CCSER1: variants seen among roughly 807,000 people sequenced by gnomAD.
CCSER1 encodes serine-rich coiled-coil domain-containing protein 1.
A neutral mutation model predicts 82.0 loss-of-function variants in CCSER1; 41 were observed. The ratio of observed to expected loss-of-function variants is 0.50; its 90% CI spans 0.39 to 0.65. The LOEUF is 0.65. Among genes scored for constraint, CCSER1 ranks in the 30% least tolerant of loss-of-function variants. The probability of loss-of-function intolerance (pLI) is 0.00; values close to 1 mark genes in which losing one functional copy is unlikely to be tolerated. For missense variants in CCSER1, 1,119 were observed against 1,064.2 expected (o/e 1.05, Z -0.72); for synonymous variants, 414 against 383.9 (o/e 1.08, Z -0.92).
At chr4:90,634,967 AC>A in intron 6 of CCSER1, among the ~76,000 whole-genome samples, 1 of 151,928 alleles carries the variant, frequency 6.6e-6, no homozygotes, top group African/African-American at 2.4e-5. Flanking sequence ...ATGACATTTC[AC>A]CACAGTCAGA....
intron 10 of CCSER1, among the ~76,000 whole-genome samples, chr4:91,201,877 AAGG>A (rs1374022746): frequency 1.3e-5 from 2 of 152,044 alleles, no homozygotes; most frequent in Admixed American, 6.6e-5. Context: ...TAAAAACAAT[AAGG>A]AGCCAAATAT....
At chr4:91,331,224 AT>A (rs1289861085) in intron 10 of CCSER1, among the ~76,000 whole-genome samples, 2 of 152,122 alleles carry the variant, frequency 1.3e-5, no homozygotes, top group Non-Finnish European at 1.5e-5. Context: ...GAATAACTCA[AT>A]TTTTTATTGC....
In CCSER1 at chr4:90,516,118, G is replaced by A. The variant is rs1772233808; in HGVS notation, c.1724+47764G>A. On this transcript the variant is annotated intron_variant, in intron 5 of 10. Transcript: ENST00000509176. The stretch of plus-strand genomic sequence containing the variant: ...ATTATAACACGCCCTTCTTTGGACT[G>A]TGTGGGTAGGCCCTTTTTGAGGAAT... 2.0e-5 allele frequency among the ~76,000 whole-genome samples: 3 copies of A among 152,188 alleles called. No homozygotes were observed. In the South Asian group the frequency reaches 6.2e-4, roughly 32 times the overall value.
chr4:90,917,416 A>G (rs1212161352), intron 8 of CCSER1, among the ~76,000 whole-genome samples: 2 of 152,138 alleles, frequency 1.3e-5, no homozygotes, highest in African/African-American at 2.4e-5. Context: ...TTGCAAGGAC[A>G]AAAAAACAAA....
intron 10 of CCSER1, among the ~76,000 whole-genome samples, chr4:91,449,292 A>G (rs1230156525): frequency 2.6e-5 from 4 of 152,020 alleles, no homozygotes; most frequent in African/African-American, 9.7e-5. Flanking sequence ...TTGGTCTATG[A>G]TAAAGATTTC....
intron 10 of CCSER1, among the ~76,000 whole-genome samples, chr4:91,260,987 T>C (rs1194892215): frequency 1.3e-5 from 2 of 152,080 alleles, no homozygotes; most frequent in African/African-American, 4.8e-5. Context: ...ATGGTCTCGA[T>C]CTCCTGACCT....
At chr4:91,467,819 T>C (rs1279535870) in intron 10 of CCSER1, among the ~76,000 whole-genome samples, 2 of 152,152 alleles carry the variant, frequency 1.3e-5, no homozygotes, top group African/African-American at 4.8e-5. Flanking sequence ...CTCACACCAG[T>C]TAGAATGGTG....
At chr4:90,317,895 G>A (rs1736459029) in intron 3 of CCSER1, among the ~76,000 whole-genome samples, 1 of 152,138 alleles carries the variant, frequency 6.6e-6, no homozygotes, top group Non-Finnish European at 1.5e-5. Flanking sequence ...CAACTCATTG[G>A]TCAGATCTAA....
At chr4:91,455,557 C>T (rs1371898948) in intron 10 of CCSER1, among the ~76,000 whole-genome samples, 1 of 151,960 alleles carries the variant, frequency 6.6e-6, no homozygotes, top group African/African-American at 2.4e-5. Flanking sequence ...ACTGGAACCT[C>T]CTTCTTGGAC....
At chr4:91,206,790 C>T (rs1036646111) in intron 10 of CCSER1, among the ~76,000 whole-genome samples, 3 of 151,778 alleles carry the variant, frequency 2.0e-5, no homozygotes, top group African/African-American at 7.2e-5. Flanking sequence ...ACAAGAGATA[C>T]GAGAAGTACC....
intron 5 of CCSER1, among the ~76,000 whole-genome samples, chr4:90,553,729 T>A (rs1777794305): frequency 6.6e-6 from 1 of 152,208 alleles, no homozygotes; most frequent in Non-Finnish European, 1.5e-5. Flanking sequence ...CTCTGCACAT[T>A]TATTAATTGA....
intron 5 of CCSER1, among the ~76,000 whole-genome samples, chr4:90,481,162 T>C (rs998703303): frequency 2.0e-5 from 3 of 152,206 alleles, no homozygotes; most frequent in African/African-American, 7.2e-5. Flanking sequence ...AGTTCACTCA[T>C]GATTTGGCTC....
At chr4:90,957,552 TTA>T (rs557008853) in intron 9 of CCSER1, among the ~76,000 whole-genome samples, 36,322 of 111,400 alleles carry the variant, frequency 0.33, 6,046 homozygotes, top group East Asian at 0.52. Flanking sequence ...TATAATTATA[TTA>T]TATATATTAT....
At chr4:90,780,475 T>G (rs745431677) in intron 7 of CCSER1, 2 of 1,612,224 alleles carry the variant, frequency 1.2e-6, no homozygotes, top group South Asian at 1.1e-5. Flanking sequence ...AAAACCTGAC[T>G]AACATCAATT....
At position 91,175,589 on chromosome 4, in the gene CCSER1, T is replaced by C. The variant is rs977233093; in HGVS notation, c.2217+89595T>C. 5.9e-5 allele frequency among the ~76,000 whole-genome samples: 9 copies of C among 152,348 alleles called. No homozygotes were observed. In the East Asian group the frequency reaches 7.7e-4, roughly 13 times the overall value. ...TGATGGGCAGTGATGATGAGCATTT[T>C]TTCATGTGTCTGTTGGCTGCATAAA... On this transcript the variant is annotated intron_variant, in intron 10 of 10. Coordinates refer to ENST00000509176, the MANE Select transcript of CCSER1 (RefSeq NM_001145065.2).
At chr4:90,731,674 G>A (rs1744772950) in intron 7 of CCSER1, among the ~76,000 whole-genome samples, 1 of 152,050 alleles carries the variant, frequency 6.6e-6, no homozygotes, top group African/African-American at 2.4e-5. Flanking sequence ...TGGCATCATT[G>A]TGGTTCTCTA....
At chr4:91,182,860 A>G (rs371663237) in intron 10 of CCSER1, among the ~76,000 whole-genome samples, 3 of 152,230 alleles carry the variant, frequency 2.0e-5, no homozygotes, top group African/African-American at 7.2e-5. Context: ...CCAGTCCTCG[A>G]GGATTAACTC....
At chr4:91,364,742 T>G (rs1749489316) in intron 10 of CCSER1, among the ~76,000 whole-genome samples, 1 of 152,110 alleles carries the variant, frequency 6.6e-6, no homozygotes, top group Non-Finnish European at 1.5e-5. Context: ...ATTAATTATT[T>G]TCTATTATTC....
chr4:90,247,055 A>G (rs985631964), intron 1 of CCSER1, among the ~76,000 whole-genome samples: 2 of 152,188 alleles, frequency 1.3e-5, no homozygotes, highest in East Asian at 3.9e-4. Flanking sequence ...AAGGGCAGGT[A>G]GCGCCTACAG....
Sources: gnomAD v4.1 joint callset for allele counts (sites outside exome capture counted in the v4.1 genomes callset) on GRCh38, gnomAD v4.1.1 for gene constraint, MANE v1.5 for transcripts, NCBI Gene and HGNC (gene_info 2026-07-23, HGNC 2026-07-21) for gene names.